Variants in C3orf33 observed in about 807,000 individuals in gnomAD.
The protein encoded by C3orf33 is AP-1 activity suppressor.
A neutral mutation model predicts 28.7 loss-of-function variants in C3orf33; 23 were observed. That is an observed-to-expected ratio of 0.80 (90% CI 0.58 to 1.13). C3orf33 has a LOEUF of 1.13. C3orf33 is among the 50% of genes most tolerant of loss of function. The pLI, the probability that C3orf33 is intolerant of heterozygous loss-of-function variation, is 0.00. For synonymous variants in C3orf33, 119 were observed against 120.5 expected (o/e 0.99, Z 0.08); for missense variants, 327 against 353.4 (o/e 0.93, Z 0.60).
chr3:155,804,316 TAATTTGA>T, intron 1 of C3orf33: 2 of 284,308 alleles, frequency 7.0e-6, no homozygotes, highest in Non-Finnish European at 1.4e-5. Flanking sequence ...AGTCATTTTT[TAATTTGA>T]AATAACCCAT....
chr3:155,790,898 G>T (rs890107296), intron 2 of C3orf33, among the ~76,000 whole-genome samples: 14 of 152,274 alleles, frequency 9.2e-5, no homozygotes, highest in African/African-American at 3.4e-4. Context: ...AGACCACAAG[G>T]CCTGCAATTC....
chr3:155,792,272 C>T (rs1577432771), intron 2 of C3orf33, among the ~76,000 whole-genome samples: 2 of 152,124 alleles, frequency 1.3e-5, no homozygotes, highest in African/African-American at 4.8e-5. Context: ...GCTTGGGATG[C>T]CCCCTAATAC....
At chr3:155,769,485 CAAAAAAAAA>C (rs59639224) in intron 3 of C3orf33, among the ~76,000 whole-genome samples, 1 of 84,336 alleles carries the variant, frequency 1.2e-5, no homozygotes, top group African/African-American at 3.9e-5. Flanking sequence ...GAGACTGTTT[CAAAAAAAAA>C]AAAAAAAAAG....
chr3:155,801,904 C>T (rs1236508668), intron 2 of C3orf33, among the ~76,000 whole-genome samples: 1 of 152,096 alleles, frequency 6.6e-6, no homozygotes, highest in East Asian at 1.9e-4. Context: ...GTGCCTGCCA[C>T]CACACCTGGC....
intron 3 of C3orf33, among the ~76,000 whole-genome samples, chr3:155,772,114 A>C (rs1238846419): frequency 6.6e-6 from 1 of 152,220 alleles, no homozygotes; most frequent in East Asian, 1.9e-4. Flanking sequence ...CTGAGGCAAG[A>C]GGATAGCTTC....
intron 2 of C3orf33, among the ~76,000 whole-genome samples, chr3:155,798,982 C>G (rs1751561950): frequency 6.6e-6 from 1 of 152,076 alleles, no homozygotes; most frequent in Non-Finnish European, 1.5e-5. Context: ...AGGCATTTCT[C>G]AAAAGAAGAC....
chr3:155,767,785 GTCTC>G (rs1263200277), intron 3 of C3orf33, 116 bp from the exon 4 acceptor site: 4 of 656,018 alleles, frequency 6.1e-6, no homozygotes, highest in Admixed American at 3.8e-5. Context: ...TAAATACCCA[GTCTC>G]TCTAACTGTA....
rs139793588 is a variant in C3orf33 at position 155,796,175 on chromosome 3, A to G, written c.174+6357T>C. Among the ~76,000 whole-genome samples, 17 of 152,238 alleles carry G rather than the reference A, an allele frequency of 1.1e-4. No individual in the cohort carries two copies. In the East Asian group the frequency reaches 3.1e-3, roughly 28 times the overall value. ...AAAGATTGGAGCAAAAATAAATGAA[A>G]TTGCAGTGAAGGAATACAAAAGATT... On this transcript the variant is annotated intron_variant, in intron 2 of 4. Coordinates refer to ENST00000340171, the MANE Select transcript of C3orf33 (RefSeq NM_001308229.2).
At position 155,763,486 on chromosome 3, in the gene C3orf33, GAGA is replaced by G; in HGVS notation, c.*28_*30del. The G allele has an allele frequency of 1.4e-6, 2 of 1,427,868 alleles. No individual in the cohort carries two copies. Among genetic ancestry groups the G allele is most frequent in the African/African-American group, 1.5e-5 (1 of 68,600 alleles). The allele number at this position is 1,427,868 out of a possible 1,614,324, so 88.4% of individuals were successfully genotyped here. A position where few individuals can be genotyped will look rare whatever the true frequency, so the allele number is the denominator to read the frequency against. On this transcript the variant is annotated 3_prime_UTR_variant, in exon 5 of 5. Transcript: ENST00000340171. ...ATATATTTACATATTTCACTCTTTG[GAGA>G]AGGTTACCTCTAGATTTCTTGACCG...
chr3:155,790,556 C>A (rs1751283543), intron 2 of C3orf33, among the ~76,000 whole-genome samples: 1 of 152,170 alleles, frequency 6.6e-6, no homozygotes, highest in Non-Finnish European at 1.5e-5. Context: ...CGTTTCTTAA[C>A]ACTGAATAGA....
At chr3:155,783,069 ACTGGTATC>A (rs1750980065) in intron 2 of C3orf33, among the ~76,000 whole-genome samples, 1 of 152,108 alleles carries the variant, frequency 6.6e-6, no homozygotes, top group Non-Finnish European at 1.5e-5. Flanking sequence ...AACAGCCAAT[ACTGGTATC>A]CTGATGATGC....
At chr3:155,779,575 G>A (rs1469674427) in intron 2 of C3orf33, among the ~76,000 whole-genome samples, 2 of 152,058 alleles carry the variant, frequency 1.3e-5, no homozygotes, top group Non-Finnish European at 2.9e-5. Flanking sequence ...GATTACAGGC[G>A]TGAGCCACCG....
At chr3:155,779,137 A>C (rs1426194238) in intron 2 of C3orf33, among the ~76,000 whole-genome samples, 1 of 152,214 alleles carries the variant, frequency 6.6e-6, no homozygotes, top group Non-Finnish European at 1.5e-5. Flanking sequence ...GCTAAAAACA[A>C]ACACACAAAA....
intron 2 of C3orf33, among the ~76,000 whole-genome samples, chr3:155,776,928 G>GA (rs1312706117): frequency 1.3e-5 from 2 of 151,516 alleles, no homozygotes; most frequent in South Asian, 2.1e-4. Context: ...AATGGCATTG[G>GA]AAAAAAAGGG....
At chr3:155,782,117 G>A (rs7648978) in intron 2 of C3orf33, among the ~76,000 whole-genome samples, 14,807 of 147,776 alleles carry the variant, frequency 0.1, 981 homozygotes, top group Middle Eastern at 0.17. Context: ...AGGCTGAGCC[G>A]AGATCATGCC....
intron 1 of C3orf33, chr3:155,805,793 C>A (rs999944163): frequency 7.1e-5 from 35 of 491,134 alleles, no homozygotes; most frequent in Non-Finnish European, 1.2e-4. Context: ...GACTTCCCTG[C>A]TCTTCCTCGG....
intron 2 of C3orf33, among the ~76,000 whole-genome samples, chr3:155,788,442 T>C (rs1751207466): frequency 6.6e-6 from 1 of 151,954 alleles, no homozygotes; most frequent in African/African-American, 2.4e-5. Flanking sequence ...CCTAGCACTT[T>C]GGGAGGCTGA....
At chr3:155,788,877 A>G (rs1412413045) in intron 2 of C3orf33, among the ~76,000 whole-genome samples, 1 of 152,204 alleles carries the variant, frequency 6.6e-6, no homozygotes, top group East Asian at 1.9e-4. Context: ...AAAATAGAAT[A>G]GAAGAATTTA....
chr3:155,781,187 T>A (rs1035102502), intron 2 of C3orf33, among the ~76,000 whole-genome samples: 1 of 150,526 alleles, frequency 6.6e-6, no homozygotes, highest in African/African-American at 2.5e-5. Context: ...TATTTTTTTT[T>A]AGTAGAGACG....
Sources: allele counts gnomAD v4.1 joint callset (sites outside exome capture counted in the v4.1 genomes callset), GRCh38; gene constraint gnomAD v4.1.1; transcripts MANE v1.5; gene names NCBI Gene and HGNC (gene_info 2026-07-23, HGNC 2026-07-21).